Variants in PMFBP1 observed in about 807,000 individuals in gnomAD.
PMFBP1 encodes the protein polyamine modulated factor 1 binding protein 1, also known as polyamine-modulated factor 1-binding protein 1.
Under a neutral mutation model 137.8 loss-of-function variants are expected in PMFBP1, and 131 were observed. The observed-to-expected ratio is 0.95, with a 90% CI of 0.82 to 1.10. The LOEUF is 1.10. PMFBP1 is among the 50% of genes least tolerant of loss of function. PMFBP1 has a pLI of 0.00. For synonymous variants in PMFBP1, 490 were observed against 450.4 expected, an observed-to-expected ratio of 1.09 and a Z score of -1.11; for missense variants, 1,199 against 1,175.4, an observed-to-expected ratio of 1.02 and a Z score of -0.29.
the PMFBP1 span, among the ~76,000 whole-genome samples, chr16:72,249,604 T>G: frequency 6.6e-6 from 1 of 151,954 alleles, no homozygotes; most frequent in Non-Finnish European, 1.5e-5. Flanking sequence ...TGATCTGATG[T>G]CTGAGTTCGG....
chr16:72,225,612 C>G, the PMFBP1 span, among the ~76,000 whole-genome samples: 18 of 151,492 alleles, frequency 1.2e-4, no homozygotes, highest in African/African-American at 4.1e-4. Context: ...ACTCAGGAGG[C>G]TGAGGTGGGA....
the PMFBP1 span, among the ~76,000 whole-genome samples, chr16:72,218,484 T>C: frequency 6.6e-6 from 1 of 152,134 alleles, no homozygotes; most frequent in Non-Finnish European, 1.5e-5. Context: ...CCATGCCATG[T>C]TGGCCAAGCT....
intron 12 of PMFBP1, 117 bp from the exon 13 acceptor site, chr16:72,129,350 T>A: frequency 8.6e-7 from 1 of 1,157,958 alleles, no homozygotes; most frequent in Non-Finnish European, 1.2e-6. Flanking sequence ...AATTCCTTAG[T>A]TATATAGCAT....
the PMFBP1 span, among the ~76,000 whole-genome samples, chr16:72,229,540 T>C: frequency 6.6e-6 from 1 of 152,190 alleles, no homozygotes; most frequent in Non-Finnish European, 1.5e-5. Context: ...TTTTTAATAA[T>C]AGGCATTCTG....
chr16:72,164,277 T>C, intron 3 of PMFBP1: 1 of 606,310 alleles, frequency 1.6e-6, no homozygotes, highest in Non-Finnish European at 2.6e-6. Flanking sequence ...GCTTGTCCTA[T>C]GATCAGGTTC....
Position 72,171,203 on chromosome 16 carries a change from T to C in PMFBP1, c.6A>G (p.Lys2=). The part of the protein sequence containing the change: M[K]DEAGERDREV... Reference sequence around the variant, plus strand: ...GAGGAGTTAGGAGCCTTACCTCATCTTTCATTTCCTTGGCAGCTCTCAATT... The same window carrying C: ...GAGGAGTTAGGAGCCTTACCTCATCCTTCATTTCCTTGGCAGCTCTCAATT... The change falls in exon 2 of 21, where the codon AAA becomes AAG. Residue 2 remains lysine (K), a synonymous_variant. Transcript: ENST00000237353. 6.2e-7 allele frequency: 1 copy of C among 1,613,988 alleles called. No homozygotes were observed. Among genetic ancestry groups the C allele is most frequent in the Non-Finnish European group, 8.5e-7 (1 of 1,179,870 alleles).
At chr16:72,219,476 A>G in the PMFBP1 span, among the ~76,000 whole-genome samples, 1 of 152,128 alleles carries the variant, frequency 6.6e-6, no homozygotes, top group Non-Finnish European at 1.5e-5. Context: ...CTGAATGTGC[A>G]TATGTCGGGG....
chr16:72,215,819 T>C, the PMFBP1 span, among the ~76,000 whole-genome samples: 44 of 152,136 alleles, frequency 2.9e-4, no homozygotes, highest in South Asian at 2.1e-4. Flanking sequence ...TACTAGAAAA[T>C]CCTAATAGGG....
the PMFBP1 span, among the ~76,000 whole-genome samples, chr16:72,222,411 A>C: frequency 6.6e-6 from 1 of 151,986 alleles, no homozygotes; most frequent in African/African-American, 2.4e-5. Flanking sequence ...TCTATCTCTT[A>C]TTTCCACAAA....
At chr16:72,127,254 G>A (rs2042475578) in intron 14 of PMFBP1, among the ~76,000 whole-genome samples, 1 of 152,176 alleles carries the variant, frequency 6.6e-6, no homozygotes, top group Admixed American at 6.5e-5. Context: ...CTGGCCCTGG[G>A]AATTAGTGAG....
At chr16:72,206,761 C>T in the PMFBP1 span, among the ~76,000 whole-genome samples, 4 of 152,154 alleles carry the variant, frequency 2.6e-5, no homozygotes, top group South Asian at 2.1e-4. Flanking sequence ...CCAACGATTA[C>T]CGTAGCTAAA....
At chr16:72,192,073 C>G in the PMFBP1 span, among the ~76,000 whole-genome samples, 1 of 152,130 alleles carries the variant, frequency 6.6e-6, no homozygotes, top group Non-Finnish European at 1.5e-5. Context: ...TTGTGGCATT[C>G]CTCTGACCCT....
chr16:72,159,811 T>C (rs868805787), intron 3 of PMFBP1, among the ~76,000 whole-genome samples: 1 of 150,128 alleles, frequency 6.7e-6, no homozygotes, highest in Admixed American at 6.7e-5. Flanking sequence ...TTTTTTTTTT[T>C]AAAACATTCT....
the PMFBP1 span, among the ~76,000 whole-genome samples, chr16:72,227,685 G>A: frequency 3.3e-5 from 5 of 152,144 alleles, no homozygotes; most frequent in Non-Finnish European, 5.9e-5. Flanking sequence ...TCAGAGAGAC[G>A]TGGCATAGAA....
intron 19 of PMFBP1, 70 bp from the exon 20 acceptor site, chr16:72,120,159 A>T: frequency 6.2e-7 from 1 of 1,608,514 alleles, no homozygotes; most frequent in South Asian, 1.1e-5. Context: ...GCTAGAAAGG[A>T]CAGATAAAGG....
At chr16:72,120,318 T>G (rs995469631) in intron 19 of PMFBP1, among the ~76,000 whole-genome samples, 1 of 152,288 alleles carries the variant, frequency 6.6e-6, no homozygotes, top group Admixed American at 6.5e-5. Context: ...CCTGCCCAAC[T>G]CTGCCAGCTC....
chr16:72,244,629 T>C, the PMFBP1 span, among the ~76,000 whole-genome samples: 1 of 152,176 alleles, frequency 6.6e-6, no homozygotes, highest in East Asian at 1.9e-4. Flanking sequence ...AAAGATTTCT[T>C]TTCCTCCAAA....
intron 2 of PMFBP1, among the ~76,000 whole-genome samples, chr16:72,166,521 C>G: frequency 6.6e-6 from 1 of 152,078 alleles, no homozygotes; most frequent in South Asian, 2.1e-4. Context: ...GGTTAGATTA[C>G]CAAGAGGGTT....
intron 4 of PMFBP1, 109 bp downstream of exon 4, chr16:72,154,102 G>T: frequency 7.1e-7 from 1 of 1,411,554 alleles, no homozygotes; most frequent in Non-Finnish European, 9.6e-7. Context: ...AACCTGCTCG[G>T]GATGTTGCAA....
Sources: gnomAD v4.1 joint callset for allele counts (sites outside exome capture counted in the v4.1 genomes callset) on GRCh38, gnomAD v4.1.1 for gene constraint, MANE v1.5 for transcripts, NCBI Gene and HGNC (gene_info 2026-07-23, HGNC 2026-07-21) for gene names.